The following CSPP1 variants were observed in gnomAD, a reference collection of about 807,000 sequenced individuals.
CSPP1 encodes the protein centrosome and spindle pole associated protein 1, also known as centrosome and spindle pole-associated protein 1.
A neutral mutation model predicts 164.4 loss-of-function variants in CSPP1; 126 were observed. The ratio of observed to expected loss-of-function variants is 0.77; its 90% CI spans 0.66 to 0.89. CSPP1 has a LOEUF of 0.89. Among genes scored for constraint, CSPP1 ranks in the 40% least tolerant of loss-of-function variants. The pLI is 0.00. For synonymous variants in CSPP1, 472 were observed against 476.7 expected (o/e 0.99, Z 0.13); for missense variants, 1,395 against 1,449.8 (o/e 0.96, Z 0.61).
chr8:67,159,866 TTCTTTCTTTCTTTCTTTC>T (rs2129560647), intron 21 of CSPP1, among the ~76,000 whole-genome samples: 1 of 41,858 alleles, frequency 2.4e-5, no homozygotes, highest in Non-Finnish European at 4.4e-5. Context: ...CTTTCTTTCT[TTCTTTCTTTCTTTCTTTC>T]TTTCTTTCTT....
chr8:67,107,490 C>T (rs1478291765), intron 9 of CSPP1, among the ~76,000 whole-genome samples: 2 of 152,090 alleles, frequency 1.3e-5, no homozygotes, highest in African/African-American at 4.8e-5. Flanking sequence ...TAATGCAATC[C>T]AGGATTTATA....
chr8:67,173,814 CAT>C (rs1475301503), intron 25 of CSPP1: 16 of 152,188 alleles, frequency 1.1e-4, no homozygotes, highest in African/African-American at 3.6e-4. Context: ...CAGTGGGTCT[CAT>C]GAGGAGTTTG....
At chr8:67,190,271 A>C (rs929550139) in intron 28 of CSPP1, among the ~76,000 whole-genome samples, 11 of 152,246 alleles carry the variant, frequency 7.2e-5, no homozygotes, top group Admixed American at 7.2e-4. Context: ...TAAACATGGC[A>C]CAGCATAGAT....
chr8:67,076,315 A>G (rs1023160407), intron 2 of CSPP1, among the ~76,000 whole-genome samples, 167 bp from the exon 3 acceptor site: 8 of 152,220 alleles, frequency 5.3e-5, no homozygotes, highest in African/African-American at 2.4e-5. Context: ...TAGAATATCT[A>G]TTATAAAATT....
chr8:67,097,843 C>A (rs981614908), intron 7 of CSPP1, among the ~76,000 whole-genome samples: 2 of 151,680 alleles, frequency 1.3e-5, no homozygotes, highest in African/African-American at 4.8e-5. Flanking sequence ...TTTCCAAATA[C>A]TATTTAAGAA....
chr8:67,089,674 A>G (rs576569467), intron 4 of CSPP1, among the ~76,000 whole-genome samples: 1 of 152,100 alleles, frequency 6.6e-6, no homozygotes, highest in Non-Finnish European at 1.5e-5. Context: ...TTTCAGTCCC[A>G]AATGTATCAG....
At chr8:67,188,863 C>G (rs181828445) in intron 28 of CSPP1, among the ~76,000 whole-genome samples, 5 of 152,302 alleles carry the variant, frequency 3.3e-5, no homozygotes, top group Admixed American at 2.6e-4. Flanking sequence ...TTCCACGGTT[C>G]TCTTCTGTGA....
At chr8:67,107,983 G>GTTTTTTTTTTTTTTTTTTTTTTTTTT (rs34204898) in intron 9 of CSPP1, among the ~76,000 whole-genome samples, 3 of 127,160 alleles carry the variant, frequency 2.4e-5, no homozygotes, top group Admixed American at 8.5e-5. Flanking sequence ...CTTTGACAAA[G>GTTTTTTTTTTTTTTTTTTTTTTTTTT]TTTTTTTTTT....
chr8:67,131,869 C>T, intron 15 of CSPP1, 82 bp from the exon 16 acceptor site: 1 of 1,215,722 alleles, frequency 8.2e-7, no homozygotes, highest in Non-Finnish European at 1.1e-6. Context: ...ATTTATATGC[C>T]ATGCTATTTC....
At chr8:67,119,009 C>T (rs1414863593) in intron 15 of CSPP1, among the ~76,000 whole-genome samples, 188 bp downstream of exon 15, 1 of 152,088 alleles carries the variant, frequency 6.6e-6, no homozygotes, top group Non-Finnish European at 1.5e-5. Context: ...AAACTCTATA[C>T]CCATTAAATA....
chr8:67,171,579 G>A (rs1278922687), intron 24 of CSPP1, among the ~76,000 whole-genome samples: 1 of 151,882 alleles, frequency 6.6e-6, no homozygotes, highest in African/African-American at 2.4e-5. Flanking sequence ...ATGGAATCTT[G>A]CTCTGTCACC....
intron 27 of CSPP1, among the ~76,000 whole-genome samples, chr8:67,178,862 A>T (rs1038789994): frequency 8.5e-5 from 13 of 152,200 alleles, no homozygotes; most frequent in African/African-American, 2.9e-4. Context: ...ACACTTGTGC[A>T]TGTGATGGGA....
intron 17 of CSPP1, among the ~76,000 whole-genome samples, chr8:67,143,525 A>G (rs1171746679): frequency 1.3e-5 from 2 of 152,158 alleles, no homozygotes; most frequent in Non-Finnish European, 1.5e-5. Flanking sequence ...TGAAACAGCC[A>G]GCATCTTAAT....
intron 9 of CSPP1, among the ~76,000 whole-genome samples, chr8:67,110,332 C>G (rs1457859965): frequency 6.6e-6 from 1 of 152,104 alleles, no homozygotes; most frequent in African/African-American, 2.4e-5. Flanking sequence ...CTAAGGACCT[C>G]TAGAGTAGCT....
At chr8:67,159,954 CTTCTTTCTT>C (rs1304338548) in intron 21 of CSPP1, among the ~76,000 whole-genome samples, 1,521 of 31,528 alleles carry the variant, frequency 0.048, 268 homozygotes, top group Middle Eastern at 0.093. Context: ...TCCTTCCTTC[CTTCTTTCTT>C]TTCTTTTCTT....
intron 15 of CSPP1, among the ~76,000 whole-genome samples, chr8:67,124,804 C>T (rs1167537595): frequency 6.6e-6 from 1 of 152,128 alleles, no homozygotes; most frequent in African/African-American, 2.4e-5. Context: ...ACCTCAGGCT[C>T]CCAAGTAGCT....
intron 1 of CSPP1, among the ~76,000 whole-genome samples, chr8:67,072,509 A>G (rs1807025996): frequency 6.6e-6 from 1 of 152,136 alleles, no homozygotes; most frequent in African/African-American, 2.4e-5. Context: ...TATCAAGTGT[A>G]TATAAAGAAA....
intron 21 of CSPP1, 53 bp from the exon 22 acceptor site, chr8:67,161,758 T>C (rs527739946): frequency 1.1e-6 from 1 of 910,560 alleles, no homozygotes; most frequent in African/African-American, 1.6e-5. Flanking sequence ...TGTGTATATA[T>C]GTGTGTGAGT....
intron 1 of CSPP1, among the ~76,000 whole-genome samples, chr8:67,069,612 G>GT (rs999564501): frequency 3.2e-4 from 43 of 135,608 alleles, no homozygotes; most frequent in East Asian, 4.3e-4. Context: ...GCATGTTACT[G>GT]TTTTTTTTTT....
Sources: allele counts gnomAD v4.1 joint callset (sites outside exome capture counted in the v4.1 genomes callset), GRCh38; gene constraint gnomAD v4.1.1; transcripts MANE v1.5; gene names NCBI Gene and HGNC (gene_info 2026-07-23, HGNC 2026-07-21).